MAP3K1: variants seen among roughly 807,000 people sequenced by gnomAD.
MAP3K1 encodes MAP/ERK kinase kinase 1.
In MAP3K1, 36 loss-of-function variants were observed where a neutral mutation model predicts 144.2. That is an observed-to-expected ratio of 0.25 (90% CI 0.19 to 0.33). The LOEUF (loss-of-function observed/expected upper bound fraction) is 0.33. Ranked by LOEUF, MAP3K1 falls within the 10% of genes least tolerant of loss-of-function variation. MAP3K1 has a pLI of 1.00. For missense variants in MAP3K1, 1,650 were observed against 1,881.9 expected (o/e 0.88, Z 2.28); for synonymous variants, 718 against 688.7 (o/e 1.04, Z -0.67).
At chr5:56,860,184 T>C (rs546540157) in intron 3 of MAP3K1, among the ~76,000 whole-genome samples, 3 of 152,326 alleles carry the variant, frequency 2.0e-5, no homozygotes, top group African/African-American at 7.2e-5. Context: ...TTTCCCAATT[T>C]AAGGCTACAA....
At chr5:56,843,609 C>T (rs185168164) in intron 1 of MAP3K1, among the ~76,000 whole-genome samples, 52 of 152,236 alleles carry the variant, frequency 3.4e-4, no homozygotes, top group Middle Eastern at 3.4e-3. Context: ...AATGAGTGGA[C>T]TGGACCAGGG....
At chr5:56,857,565 T>G (rs1017226) in intron 2 of MAP3K1, among the ~76,000 whole-genome samples, 1 of 152,166 alleles carries the variant, frequency 6.6e-6, no homozygotes, top group South Asian at 2.1e-4. Flanking sequence ...TGCCAAGTGA[T>G]TGTCTGCCCT....
intron 18 of MAP3K1, 95 bp from the exon 19 acceptor site, chr5:56,888,131 T>C: frequency 8.9e-7 from 1 of 1,127,928 alleles, no homozygotes; most frequent in Non-Finnish European, 1.3e-6. Context: ...GTACCAGTTT[T>C]CTCCCTAAAG....
chr5:56,828,807 T>C (rs1181736371), intron 1 of MAP3K1, among the ~76,000 whole-genome samples: 1 of 152,056 alleles, frequency 6.6e-6, no homozygotes, highest in Non-Finnish European at 1.5e-5. Context: ...GGATATAACC[T>C]CTAAAAAAGC....
chr5:56,886,608 C>A (rs1177009866), intron 17 of MAP3K1, among the ~76,000 whole-genome samples: 1 of 152,172 alleles, frequency 6.6e-6, no homozygotes, highest in Non-Finnish European at 1.5e-5. Context: ...AAGTATACAA[C>A]ACAGGTCTCC....
intron 1 of MAP3K1, among the ~76,000 whole-genome samples, chr5:56,829,711 A>G (rs1469123481): frequency 2.6e-5 from 4 of 152,186 alleles, no homozygotes; most frequent in Non-Finnish European, 5.9e-5. Flanking sequence ...ATTTCCAGAT[A>G]AGGCTGTGAT....
In MAP3K1 at chr5:56,888,075, T is replaced by G. The variant is rs1748439239; in HGVS notation, c.4258-151T>G. On this transcript the variant is annotated intron_variant, in intron 18 of 19. Transcript: ENST00000399503. ...TGTGCTACCTGGAAAATTAAGCTCA[T>G]TAATGAAATAAATTAGATATTAGGT... 7.5e-6 allele frequency: 5 copies of G among 668,992 alleles called. No homozygotes were observed. In the South Asian group the frequency reaches 9.2e-5, roughly 12 times the overall value. The allele number at this position is 668,992 out of a possible 1,614,324, so 41.4% of individuals were successfully genotyped here. A position where few individuals can be genotyped will look rare whatever the true frequency, so the allele number is the denominator to read the frequency against.
Position 56,856,757 on chromosome 5 carries a change from G to T in MAP3K1, c.633+7G>T. On this transcript the variant is annotated splice_region_variant and intron_variant, in intron 2 of 19. Coordinates refer to ENST00000399503, the MANE Select transcript of MAP3K1 (RefSeq NM_005921.2). Reference sequence around the variant, plus strand: ...AAATAGGCGAGGGCCTGTGGTAAGTGGCTATGGGTTACCAGTTATAAGGAA... The same window carrying T: ...AAATAGGCGAGGGCCTGTGGTAAGTTGCTATGGGTTACCAGTTATAAGGAA... 1.2e-6 allele frequency: 2 copies of T among 1,613,716 alleles called. No individual in the cohort carries two copies. The highest frequency in any genetic ancestry group is 2.2e-5 in the South Asian group (2 of 91,070).
chr5:56,892,292 A>G (rs566394822), intron 19 of MAP3K1, among the ~76,000 whole-genome samples: 7 of 152,282 alleles, frequency 4.6e-5, no homozygotes, highest in South Asian at 2.1e-4. Flanking sequence ...CTTTGAAGCA[A>G]TTGTGAATGG....
chr5:56,824,950 T>TA (rs1402626551), intron 1 of MAP3K1, among the ~76,000 whole-genome samples: 3 of 152,080 alleles, frequency 2.0e-5, no homozygotes, highest in African/African-American at 7.2e-5. Context: ...AATTTTTATT[T>TA]TTTTTTTTGA....
At chr5:56,847,675 AGAAAGATGCCTTTTAATC>A (rs1405303997) in intron 1 of MAP3K1, among the ~76,000 whole-genome samples, 1 of 152,246 alleles carries the variant, frequency 6.6e-6, no homozygotes, top group Non-Finnish European at 1.5e-5. Flanking sequence ...TTTGTGGTCA[AGAAAGATGCCTTTTAATC>A]ATAAAATAAT....
At chr5:56,827,318 C>T (rs1276584675) in intron 1 of MAP3K1, among the ~76,000 whole-genome samples, 1 of 152,174 alleles carries the variant, frequency 6.6e-6, no homozygotes, top group Admixed American at 6.5e-5. Context: ...TGTAATTTGA[C>T]AGGTAACCAC....
Position 56,871,903 on chromosome 5 carries a change from T to C in MAP3K1, c.1302-7T>C. On this transcript the variant is annotated splice_region_variant and splice_polypyrimidine_tract_variant and intron_variant, in intron 6 of 19. Coordinates refer to ENST00000399503, the MANE Select transcript of MAP3K1 (RefSeq NM_005921.2). ...TGCTTAATACTTTTTCTTCCCCTTT[T>C]CTATAGCATAAAGGATGAAGAGGAA... is the stretch of plus-strand genomic sequence containing the variant. 1 of 1,613,684 alleles carries C rather than the reference T, an allele frequency of 6.2e-7. No homozygotes were observed. The highest frequency in any genetic ancestry group is 8.5e-7 in the Non-Finnish European group (1 of 1,179,634).
intron 1 of MAP3K1, among the ~76,000 whole-genome samples, chr5:56,819,695 AAGT>A (rs1412642855): frequency 5.9e-5 from 9 of 152,298 alleles, no homozygotes; most frequent in African/African-American, 1.9e-4. Flanking sequence ...TGTCATGGAA[AAGT>A]AGTAGTCTCT....
At chr5:56,860,045 G>A (rs568437187) in intron 3 of MAP3K1, 130 bp downstream of exon 3, 41 of 830,834 alleles carry the variant, frequency 4.9e-5, no homozygotes, top group South Asian at 4.1e-4. Flanking sequence ...CCTGAGGATG[G>A]GGGGGGTGGT....
At chr5:56,853,847 G>A (rs986447841) in intron 1 of MAP3K1, among the ~76,000 whole-genome samples, 1 of 152,166 alleles carries the variant, frequency 6.6e-6, no homozygotes, top group African/African-American at 2.4e-5. Flanking sequence ...AGACCACGAG[G>A]TGCAGGGCCA....
At chr5:56,859,973 C>A in intron 3 of MAP3K1, 58 bp downstream of exon 3, 1 of 1,387,912 alleles carries the variant, frequency 7.2e-7, no homozygotes, top group Non-Finnish European at 1.0e-6. Flanking sequence ...TCATTTATAA[C>A]AAAGAAAAGA....
intron 1 of MAP3K1, among the ~76,000 whole-genome samples, chr5:56,849,283 A>G (rs550445592): frequency 3.3e-5 from 5 of 151,180 alleles, no homozygotes; most frequent in Admixed American, 3.3e-4. Context: ...TGGGAAGTGG[A>G]GGTTGCAGTG....
intron 3 of MAP3K1, among the ~76,000 whole-genome samples, chr5:56,860,667 A>G (rs1396314342): frequency 2.6e-5 from 4 of 152,130 alleles, no homozygotes; most frequent in Non-Finnish European, 5.9e-5. Context: ...AGCTTGGCCA[A>G]CATGGTGAAA....
Sources: gnomAD v4.1 joint callset for allele counts (sites outside exome capture counted in the v4.1 genomes callset) on GRCh38, gnomAD v4.1.1 for gene constraint, MANE v1.5 for transcripts, NCBI Gene and HGNC (gene_info 2026-07-23, HGNC 2026-07-21) for gene names.